KLRG1: variants seen among roughly 807,000 people sequenced by gnomAD.
KLRG1 encodes killer cell lectin like receptor G1.
In KLRG1, 16 loss-of-function variants were observed where a neutral mutation model predicts 21.8. The observed-to-expected ratio is 0.73, with a 90% CI of 0.50 to 1.11. The LOEUF (loss-of-function observed/expected upper bound fraction) is 1.11, where lower values mean the gene tolerates loss of function less well. Ranked by LOEUF, KLRG1 falls within the 50% of genes most tolerant of loss-of-function variation. The pLI is 0.00. For missense variants in KLRG1, 173 were observed against 218.3 expected (o/e 0.79, Z 1.31); for synonymous variants, 69 against 75.9 (o/e 0.91, Z 0.47).
At chr12:9,196,561 T>C in the KLRG1 span, 2 of 1,590,474 alleles carry the variant, frequency 1.3e-6, no homozygotes, top group Non-Finnish European at 1.7e-6. Context: ...TATTCGTTCA[T>C]TACTCACACC....
At chr12:9,015,175 A>T (rs1281552381), downstream of KLRG1, among the ~76,000 whole-genome samples, 1 of 151,826 alleles carries the variant, frequency 6.6e-6, no homozygotes, top group East Asian at 1.9e-4. Flanking sequence ...AACAATATTG[A>T]ATGTAAGTGA....
At chr12:8,976,590 C>T (rs189868654) in intron 1 of KLRG1, among the ~76,000 whole-genome samples, 35 of 152,240 alleles carry the variant, frequency 2.3e-4, no homozygotes, top group Non-Finnish European at 4.0e-4. Flanking sequence ...GTATTGCTGT[C>T]AATTTCTCCC....
the KLRG1 span, among the ~76,000 whole-genome samples, chr12:9,038,500 G>A: frequency 9.2e-5 from 14 of 152,162 alleles, no homozygotes; most frequent in Non-Finnish European, 1.9e-4. Flanking sequence ...GGACTTTAAC[G>A]AAATCTACAA....
chr12:9,136,220 C>T, the KLRG1 span, among the ~76,000 whole-genome samples: 2 of 152,158 alleles, frequency 1.3e-5, no homozygotes, highest in African/African-American at 4.8e-5. Flanking sequence ...GGTGTTGGCA[C>T]CAGCCAGCTC....
At chr12:9,075,429 T>C in the KLRG1 span, among the ~76,000 whole-genome samples, 1 of 152,198 alleles carries the variant, frequency 6.6e-6, no homozygotes. Context: ...TGCAGCATTT[T>C]TTTTAATAGC....
the KLRG1 span, chr12:9,104,127 A>G: frequency 9.4e-7 from 1 of 1,062,128 alleles, no homozygotes; most frequent in Non-Finnish European, 1.3e-6. Context: ...TCTAATTGCT[A>G]GTTTTTTTCT....
chr12:9,191,202 G>GA, the KLRG1 span, among the ~76,000 whole-genome samples: 21 of 152,066 alleles, frequency 1.4e-4, no homozygotes, highest in African/African-American at 3.9e-4. Flanking sequence ...TATTATAAAA[G>GA]AAAAAATCAA....
At chr12:9,136,874 A>G in the KLRG1 span, among the ~76,000 whole-genome samples, 1 of 152,010 alleles carries the variant, frequency 6.6e-6, no homozygotes, top group Non-Finnish European at 1.5e-5. Flanking sequence ...TCATGTTATT[A>G]GTTTTTTTGC....
chr12:9,176,939 A>C, the KLRG1 span, among the ~76,000 whole-genome samples: 1 of 152,160 alleles, frequency 6.6e-6, no homozygotes, highest in East Asian at 1.9e-4. Flanking sequence ...GATTTAAATG[A>C]TATTTAGCCT....
At chr12:9,213,501 A>C in the KLRG1 span, among the ~76,000 whole-genome samples, 1 of 152,140 alleles carries the variant, frequency 6.6e-6, no homozygotes, top group South Asian at 2.1e-4. Context: ...TTCTGTCTAT[A>C]TTTAATTTTT....
chr12:9,058,619 C>T, the KLRG1 span: 2 of 152,300 alleles, frequency 1.3e-5, no homozygotes, highest in African/African-American at 4.8e-5. Flanking sequence ...GTCTGTGACA[C>T]TCCAAATCCC....
At chr12:9,028,520 T>C in the KLRG1 span, among the ~76,000 whole-genome samples, 2 of 150,872 alleles carry the variant, frequency 1.3e-5, no homozygotes, top group Non-Finnish European at 2.9e-5. Context: ...CTCTGCTCAC[T>C]GCAACCTCCG....
the KLRG1 span, chr12:9,164,129 TCAC>T: frequency 6.2e-6 from 10 of 1,610,310 alleles, no homozygotes; most frequent in Non-Finnish European, 7.6e-6. Flanking sequence ...GTACTGTCAC[TCAC>T]CCAGAGTTTT....
At chr12:9,110,301 T>A in the KLRG1 span, 1 of 1,467,946 alleles carries the variant, frequency 6.8e-7, no homozygotes, top group South Asian at 1.3e-5. Flanking sequence ...ATGGAATGTT[T>A]CATGTTGCTT....
intron 3 of KLRG1, among the ~76,000 whole-genome samples, chr12:9,007,956 A>G (rs544701950): frequency 2.6e-5 from 4 of 152,118 alleles, no homozygotes; most frequent in Admixed American, 6.5e-5. Flanking sequence ...ATTTTATTTC[A>G]TTTATAGAGG....
chr12:9,024,018 ATTTTTTTTTTTTTTTTT>A, the KLRG1 span, among the ~76,000 whole-genome samples: 2 of 70,936 alleles, frequency 2.8e-5, no homozygotes, highest in South Asian at 5.7e-4. Context: ...GAACACATGG[ATTTTTTTTTTTTTTTTT>A]TTTTTTTTTT....
At chr12:9,190,386 T>C in the KLRG1 span, among the ~76,000 whole-genome samples, 1 of 152,102 alleles carries the variant, frequency 6.6e-6, no homozygotes, top group African/African-American at 2.4e-5. Context: ...CTTAGCAAAA[T>C]AATGTAGGAA....
At chr12:8,980,065 T>A (rs138441435) in intron 1 of KLRG1, among the ~76,000 whole-genome samples, 2,727 of 151,952 alleles carry the variant, frequency 0.018, 82 homozygotes, top group African/African-American at 0.062. Flanking sequence ...CATGCCTGGC[T>A]AATTTTTGTA....
chr12:8,977,767 T>C (rs1946682268), intron 1 of KLRG1, among the ~76,000 whole-genome samples: 1 of 152,232 alleles, frequency 6.6e-6, no homozygotes. Flanking sequence ...AATAACTTGT[T>C]GTTAAAATAA....
Sources: gnomAD v4.1 joint callset for allele counts (sites outside exome capture counted in the v4.1 genomes callset) on GRCh38, gnomAD v4.1.1 for gene constraint, MANE v1.5 for transcripts, NCBI Gene and HGNC (gene_info 2026-07-23, HGNC 2026-07-21) for gene names.